ZBTB20: variants seen among roughly 807,000 people sequenced by gnomAD.
The protein encoded by ZBTB20 is zinc finger and BTB domain containing 20.
A neutral mutation model predicts 56.9 loss-of-function variants in ZBTB20; 9 were observed. The observed-to-expected ratio is 0.16, with a 90% CI of 0.10 to 0.28. ZBTB20 has a LOEUF of 0.28. Among genes scored for constraint, ZBTB20 ranks in the 10% least tolerant of loss-of-function variants. The probability of loss-of-function intolerance (pLI) is 1.00; values close to 1 mark genes in which losing one functional copy is unlikely to be tolerated. For missense variants in ZBTB20, 655 were observed against 1,003.0 expected, an observed-to-expected ratio of 0.65 and a Z score of 4.69; for synonymous variants, 417 against 420.7, an observed-to-expected ratio of 0.99 and a Z score of 0.11.
intron 1 of ZBTB20, among the ~76,000 whole-genome samples, chr3:115,134,899 C>T (rs1296876407): frequency 6.6e-6 from 1 of 152,212 alleles, no homozygotes; most frequent in Non-Finnish European, 1.5e-5. Flanking sequence ...CCTGCAAAGG[C>T]ACATGGACAA....
Position 114,565,011 on chromosome 3 carries a change from C to G in ZBTB20, c.-294-64620G>C, listed in dbSNP as rs1577597748. On this transcript the variant is annotated intron_variant, in intron 6 of 11. Coordinates refer to ENST00000675478, the MANE Select transcript of ZBTB20 (RefSeq NM_001348800.3). ...GTCCATTGTTTCCAATGAACACTAA[C>G]CCTTAAACATTTAAGCCTCATCAGC... Among the ~76,000 whole-genome samples, 3 of 152,280 alleles carry G rather than the reference C, an allele frequency of 2.0e-5. No homozygotes were observed. The South Asian group carries it at 6.2e-4, about 32-fold the overall frequency.
intron 7 of ZBTB20, among the ~76,000 whole-genome samples, chr3:114,446,232 A>G (rs944596879): frequency 3.3e-5 from 5 of 150,732 alleles, no homozygotes; most frequent in African/African-American, 1.2e-4. Context: ...TTCATGTTCA[A>G]TAAATAAGTA....
chr3:114,595,951 T>C (rs918820226), intron 6 of ZBTB20, among the ~76,000 whole-genome samples: 5 of 152,226 alleles, frequency 3.3e-5, no homozygotes, highest in African/African-American at 1.2e-4. Context: ...TAATAATGCT[T>C]CAATTATTCA....
At chr3:114,822,080 CATT>C (rs1314549245) in intron 4 of ZBTB20, among the ~76,000 whole-genome samples, 1 of 151,916 alleles carries the variant, frequency 6.6e-6, no homozygotes, top group East Asian at 1.9e-4. Context: ...GATAGTGTAA[CATT>C]AATATAGAAG....
chr3:114,548,443 C>T (rs917415594), intron 6 of ZBTB20, among the ~76,000 whole-genome samples: 3 of 152,036 alleles, frequency 2.0e-5, no homozygotes, highest in African/African-American at 7.2e-5. Flanking sequence ...TTACATTCAT[C>T]TACAGGTGTG....
At chr3:114,393,645 G>A (rs978914158) in intron 7 of ZBTB20, among the ~76,000 whole-genome samples, 3 of 152,134 alleles carry the variant, frequency 2.0e-5, no homozygotes, top group African/African-American at 7.2e-5. Context: ...TGACTTCATG[G>A]GGTTTCACAT....
At chr3:114,824,164 G>C (rs1046437725) in intron 4 of ZBTB20, among the ~76,000 whole-genome samples, 1 of 151,866 alleles carries the variant, frequency 6.6e-6, no homozygotes, top group Non-Finnish European at 1.5e-5. Context: ...AGTGGTTCTG[G>C]TGATATTTAC....
intron 6 of ZBTB20, among the ~76,000 whole-genome samples, chr3:114,538,515 G>A (rs2048739771): frequency 1.3e-5 from 2 of 151,986 alleles, no homozygotes; most frequent in Admixed American, 6.6e-5. Flanking sequence ...TATTTCATGT[G>A]TGTTCCCATC....
intron 6 of ZBTB20, among the ~76,000 whole-genome samples, chr3:114,661,320 G>A (rs2060710127): frequency 6.6e-6 from 1 of 152,064 alleles, no homozygotes; most frequent in Admixed American, 6.6e-5. Flanking sequence ...GTACCTTCTT[G>A]CTATCTTTGC....
chr3:114,539,747 C>T (rs760126501), intron 6 of ZBTB20, among the ~76,000 whole-genome samples: 20 of 152,038 alleles, frequency 1.3e-4, no homozygotes, highest in Non-Finnish European at 2.9e-4. Flanking sequence ...CCTTCCAGTT[C>T]CCCACTGCCC....
At chr3:114,857,218 G>C (rs1037650742) in intron 4 of ZBTB20, among the ~76,000 whole-genome samples, 6 of 152,040 alleles carry the variant, frequency 3.9e-5, no homozygotes, top group African/African-American at 1.4e-4. Context: ...TGAGATAAAT[G>C]GTAAATATTG....
chr3:114,393,877 C>T (rs1474360743), intron 7 of ZBTB20, among the ~76,000 whole-genome samples: 1 of 152,172 alleles, frequency 6.6e-6, no homozygotes, highest in Non-Finnish European at 1.5e-5. Context: ...CACTTCTCTA[C>T]AGCCCGTTTC....
chr3:114,914,136 G>C (rs1180432244), intron 3 of ZBTB20, among the ~76,000 whole-genome samples: 1 of 151,936 alleles, frequency 6.6e-6, no homozygotes, highest in Non-Finnish European at 1.5e-5. Context: ...TTTTGATAGA[G>C]ATTACATTGA....
At chr3:114,747,563 C>T (rs2067139496) in intron 5 of ZBTB20, among the ~76,000 whole-genome samples, 2 of 151,418 alleles carry the variant, frequency 1.3e-5, no homozygotes, top group South Asian at 4.2e-4. Flanking sequence ...GATTCTGTCT[C>T]AATAAAATAA....
intron 4 of ZBTB20, among the ~76,000 whole-genome samples, chr3:114,844,532 A>AAAAAAC (rs2074570934): frequency 1.4e-5 from 2 of 138,918 alleles, no homozygotes; most frequent in Non-Finnish European, 3.1e-5. Context: ...AAAAAAAAAA[A>AAAAAAC]AAAAAAAAAA....
rs536369742 is a variant in ZBTB20 at position 114,669,755 on chromosome 3, C to T, written c.-295+23773G>A. On this transcript the variant is annotated intron_variant, in intron 6 of 11. Coordinates refer to ENST00000675478, the MANE Select transcript of ZBTB20 (RefSeq NM_001348800.3). Reference sequence around the variant, plus strand: ...CATTCATTTGTGCAGAACATAGCACCACATTTCTAATACAACTCCTCTCTG... The same window carrying T: ...CATTCATTTGTGCAGAACATAGCACTACATTTCTAATACAACTCCTCTCTG... Among the ~76,000 whole-genome samples, 5 of 151,974 alleles carry T rather than the reference C, an allele frequency of 3.3e-5. No individual in the cohort carries two copies. The East Asian group carries it at 9.7e-4, about 29-fold the overall frequency.
intron 10 of ZBTB20, among the ~76,000 whole-genome samples, chr3:114,368,579 T>C (rs1431961384): frequency 3.9e-5 from 6 of 152,170 alleles, no homozygotes; most frequent in Non-Finnish European, 7.4e-5. Flanking sequence ...TTCTGTTAGT[T>C]CTCTGACCCT....
chr3:114,576,403 G>A (rs2054030570), intron 6 of ZBTB20, among the ~76,000 whole-genome samples: 1 of 150,470 alleles, frequency 6.6e-6, no homozygotes, highest in African/African-American at 2.4e-5. Flanking sequence ...TCGGGAGGCT[G>A]AGGCAGGAGA....
intron 6 of ZBTB20, among the ~76,000 whole-genome samples, chr3:114,575,605 A>G (rs1011414468): frequency 2.0e-5 from 3 of 150,436 alleles, no homozygotes; most frequent in Middle Eastern, 6.8e-3. Context: ...AAAAAAAAAA[A>G]TAGGAACTAC....
Sources: allele counts gnomAD v4.1 joint callset (sites outside exome capture counted in the v4.1 genomes callset), GRCh38; gene constraint gnomAD v4.1.1; transcripts MANE v1.5; gene names NCBI Gene and HGNC (gene_info 2026-07-23, HGNC 2026-07-21).